GRAMD1B: variants seen among roughly 807,000 people sequenced by gnomAD.
GRAMD1B encodes the protein GRAM domain containing 1B.
Under a neutral mutation model 99.7 loss-of-function variants are expected in GRAMD1B, and 37 were observed. The ratio of observed to expected loss-of-function variants is 0.37; its 90% confidence interval spans 0.29 to 0.49. The LOEUF (loss-of-function observed/expected upper bound fraction) is 0.49. GRAMD1B is among the 20% of genes least tolerant of loss of function. The probability of loss-of-function intolerance (pLI) is 0.98; values close to 1 mark genes in which losing one functional copy is unlikely to be tolerated. For synonymous variants in GRAMD1B, 427 were observed against 387.6 expected (o/e 1.10, Z -1.19); for missense variants, 888 against 1,009.2 (o/e 0.88, Z 1.63).
In GRAMD1B at chr11:123,591,262, C is replaced by T; in HGVS notation, c.685-2820C>T. ...GACACCTGTCAGAGTCACACAGGCC[C>T]TCTGCTGAGAAACCAGAGGCCACCC... On this transcript the variant is annotated intron_variant, in intron 4 of 19. Coordinates refer to ENST00000635736, the MANE Select transcript of GRAMD1B (RefSeq NM_001387025.1). The surrounding 1 kb of genome is among the most constrained non-coding windows in gnomAD (Gnocchi z 4.7). 2.5e-6 allele frequency: 1 copy of T among 396,730 alleles called. No homozygotes were observed. The highest frequency in any genetic ancestry group is 4.4e-6 in the Non-Finnish European group (1 of 225,186). 24.6% of individuals were successfully genotyped at this position (396,730 alleles called of 1,614,324 possible).
chr11:123,533,707 G>A (rs543341468), intron 2 of GRAMD1B, among the ~76,000 whole-genome samples: 6 of 152,308 alleles, frequency 3.9e-5, no homozygotes, highest in Admixed American at 3.3e-4. Flanking sequence ...GTTTACTGGC[G>A]TGAGCCACTG....
intron 16 of GRAMD1B, among the ~76,000 whole-genome samples, chr11:123,614,443 C>T (rs1220341438): frequency 1.3e-5 from 2 of 152,182 alleles, no homozygotes; most frequent in African/African-American, 2.4e-5. Context: ...TAGTCCTAGC[C>T]CAATGCCACA....
At chr11:123,560,658 T>A in intron 2 of GRAMD1B, 1 of 458,420 alleles carries the variant, frequency 2.2e-6, no homozygotes, top group Non-Finnish European at 4.4e-6. Flanking sequence ...TCCAGGTTAG[T>A]GCTAACTCGT....
intron 1 of GRAMD1B, among the ~76,000 whole-genome samples, chr11:123,447,673 G>A (rs189897249): frequency 3.3e-5 from 5 of 152,298 alleles, no homozygotes; most frequent in African/African-American, 4.8e-5. Context: ...GTACATTTCT[G>A]TTTCATCTTG....
At chr11:123,561,253 T>C (rs1387643784) in intron 2 of GRAMD1B, among the ~76,000 whole-genome samples, 1 of 152,086 alleles carries the variant, frequency 6.6e-6, no homozygotes, top group African/African-American at 2.4e-5. Flanking sequence ...GTGCTCCTGT[T>C]CTCCACCTGC....
At chr11:123,439,985 A>G (rs1290402200) in intron 1 of GRAMD1B, among the ~76,000 whole-genome samples, 1 of 152,206 alleles carries the variant, frequency 6.6e-6, no homozygotes. Context: ...TTTTGCAGCC[A>G]TAGAAAAATA....
chr11:123,559,750 A>C, intron 2 of GRAMD1B: 1 of 919,958 alleles, frequency 1.1e-6, no homozygotes, highest in African/African-American at 1.8e-5. Context: ...CTGCGGGAGA[A>C]GCGAGCATCC....
At chr11:123,602,258 G>C (rs1195320422) in intron 8 of GRAMD1B, among the ~76,000 whole-genome samples, 3 of 152,026 alleles carry the variant, frequency 2.0e-5, no homozygotes, top group African/African-American at 7.2e-5. Flanking sequence ...CCAGCTGCCT[G>C]CTTCTTAAAC....
chr11:123,513,089 G>A (rs982499930), intron 2 of GRAMD1B, among the ~76,000 whole-genome samples: 54 of 152,290 alleles, frequency 3.5e-4, no homozygotes, highest in African/African-American at 1.2e-3. Context: ...CTTACATACA[G>A]TTTCAATATC....
At chr11:123,496,370 G>T (rs377715258) in intron 2 of GRAMD1B, among the ~76,000 whole-genome samples, 2 of 151,736 alleles carry the variant, frequency 1.3e-5, no homozygotes, top group Admixed American at 6.6e-5. Context: ...CTTTTCTCTC[G>T]CTGCTTTTAG....
chr11:123,370,796 A>G (rs1010849101), intron 1 of GRAMD1B, among the ~76,000 whole-genome samples: 1 of 152,192 alleles, frequency 6.6e-6, no homozygotes, highest in Non-Finnish European at 1.5e-5. Context: ...AAAGATTTCC[A>G]TACAGTGTTC....
At chr11:123,422,200 C>T (rs1296449315) in intron 1 of GRAMD1B, among the ~76,000 whole-genome samples, 2 of 152,098 alleles carry the variant, frequency 1.3e-5, no homozygotes, top group African/African-American at 4.8e-5. Context: ...GCCACTAGGG[C>T]CAGTTCTGGG....
chr11:123,517,371 C>CT (rs1405721114), intron 2 of GRAMD1B, among the ~76,000 whole-genome samples: 2 of 152,190 alleles, frequency 1.3e-5, no homozygotes, highest in Non-Finnish European at 2.9e-5. Context: ...GAAATGGAGC[C>CT]TGTGGTTCCT....
intron 1 of GRAMD1B, among the ~76,000 whole-genome samples, chr11:123,462,890 T>TAAAAAAAAAAAAAAAAAAAAAAA (rs55643501): frequency 8.1e-6 from 1 of 123,112 alleles, no homozygotes; most frequent in South Asian, 2.6e-4. Flanking sequence ...AAAAAATAAA[T>TAAAAAAAAAAAAAAAAAAAAAAA]TAAAAAAAAA....
At chr11:123,419,488 G>T (rs537924424) in intron 1 of GRAMD1B, among the ~76,000 whole-genome samples, 1 of 152,196 alleles carries the variant, frequency 6.6e-6, no homozygotes, top group African/African-American at 2.4e-5. Context: ...AAAATTAGCC[G>T]GCTGTGGTGG....
At chr11:123,612,728 A>T (rs1308007336) in intron 14 of GRAMD1B, 33 bp from the exon 15 acceptor site, 1 of 1,253,170 alleles carries the variant, frequency 8.0e-7, no homozygotes, top group African/African-American at 1.5e-5. Flanking sequence ...CCACCCAGGA[A>T]ATGACTGATC....
intron 2 of GRAMD1B, among the ~76,000 whole-genome samples, chr11:123,561,615 C>G (rs1183543298): frequency 6.6e-6 from 1 of 152,180 alleles, no homozygotes; most frequent in Admixed American, 6.5e-5. Context: ...GCTCTGTCCC[C>G]GGGGCCTCAG....
chr11:123,411,135 G>A (rs545984718), intron 1 of GRAMD1B, among the ~76,000 whole-genome samples: 1 of 151,888 alleles, frequency 6.6e-6, no homozygotes, highest in Non-Finnish European at 1.5e-5. Flanking sequence ...CTCCCGAGTA[G>A]CTGGGACTAT....
chr11:123,621,195 A>G (rs1483038017), intron 19 of GRAMD1B, among the ~76,000 whole-genome samples: 1 of 152,190 alleles, frequency 6.6e-6, no homozygotes, highest in Non-Finnish European at 1.5e-5. Context: ...AAGCAGAGAG[A>G]CCAGACTTTC....
Sources: gnomAD v4.1 joint callset for allele counts (sites outside exome capture counted in the v4.1 genomes callset) on GRCh38, gnomAD v4.1.1 for gene constraint, Gnocchi (gnomAD v3.1) non-coding constraint, MANE v1.5 for transcripts, NCBI Gene and HGNC (gene_info 2026-07-23, HGNC 2026-07-21) for gene names.